Variants in YAP1 observed in about 807,000 individuals in gnomAD.
The protein encoded by YAP1 is transcriptional coactivator YAP1.
YAP1 carries 5 observed loss-of-function variants against 56.9 expected under a neutral mutation model. That is an observed-to-expected ratio of 0.09 (90% confidence interval 0.05 to 0.18). The LOEUF is 0.18. Ranked by LOEUF, YAP1 falls within the 10% of genes least tolerant of loss-of-function variation. The pLI, the probability that YAP1 is intolerant of heterozygous loss-of-function variation, is 1.00. For missense variants in YAP1, 539 were observed against 651.8 expected (o/e 0.83, Z 1.88); for synonymous variants, 265 against 248.1 (o/e 1.07, Z -0.64).
intron 4 of YAP1, among the ~76,000 whole-genome samples, chr11:102,198,149 A>G (rs1948667043): frequency 6.6e-6 from 1 of 152,168 alleles, no homozygotes. Context: ...TCTCTTACAT[A>G]ATTTTGTGCA....
intron 3 of YAP1, among the ~76,000 whole-genome samples, chr11:102,164,202 T>C (rs1175656164): frequency 6.6e-6 from 1 of 152,078 alleles, no homozygotes; most frequent in Non-Finnish European, 1.5e-5. Flanking sequence ...ACCCAGCTAA[T>C]TTTTGTATTT....
At chr11:102,213,708 TC>T (rs1949528624) in intron 6 of YAP1, among the ~76,000 whole-genome samples, 1 of 152,196 alleles carries the variant, frequency 6.6e-6, no homozygotes, top group Non-Finnish European at 1.5e-5. Context: ...ACCTTGCTTA[TC>T]CCCTTTCTTA....
chr11:102,195,800 G>A (rs540586771), intron 4 of YAP1, among the ~76,000 whole-genome samples: 10 of 152,300 alleles, frequency 6.6e-5, no homozygotes, highest in African/African-American at 2.4e-4. Context: ...CCAGTCTTGG[G>A]TATGTCTTTA....
In YAP1 at chr11:102,183,702, CTGTGTGTGTGTGTG is replaced by C. The variant is rs140546191; in HGVS notation, c.689-2292_689-2279del. Among the ~76,000 whole-genome samples the C allele has an allele frequency of 1.4e-4, 20 of 141,808 alleles. No homozygotes were observed. In the South Asian group the frequency reaches 3.7e-3, roughly 26 times the overall value. 93.0% of individuals were successfully genotyped at this position (141,808 alleles called of 152,430 possible). On this transcript the variant is annotated intron_variant, in intron 3 of 8. Transcript: ENST00000282441. ...GCTAAGGTGGGGAATAATGCTGTTT[CTGTGTGTGTGTGTG>C]TGTGTGTGTGTGTGTGTGTGTGTTT...
intron 6 of YAP1, among the ~76,000 whole-genome samples, chr11:102,211,887 T>G (rs1213547087): frequency 6.6e-6 from 1 of 152,144 alleles, no homozygotes; most frequent in Non-Finnish European, 1.5e-5. Context: ...GTGTTTTTAG[T>G]AGAGACGGGG....
intron 3 of YAP1, among the ~76,000 whole-genome samples, chr11:102,172,224 A>G (rs1292718704): frequency 6.7e-6 from 1 of 150,196 alleles, no homozygotes; most frequent in African/African-American, 2.4e-5. Context: ...GTTGTGGCAG[A>G]TGTATGCACT....
At chr11:102,142,957 C>T (rs997512148) in intron 2 of YAP1, among the ~76,000 whole-genome samples, 6 of 151,928 alleles carry the variant, frequency 3.9e-5, no homozygotes, top group Non-Finnish European at 7.4e-5. Context: ...TAGGTGTAGT[C>T]TCTTAACGTG....
At position 102,233,258 on chromosome 11, in the gene YAP1, G is replaced by A. The variant is rs1950487649; in HGVS notation, c.*3318G>A. On this transcript the variant is annotated 3_prime_UTR_variant, in exon 9 of 9. Transcript: ENST00000282441. ...TTAGAGAATTCTTTAATGCACACTT[G>A]TCAAATATATATATATAGTACCAAT... 2.0e-5 allele frequency: 3 copies of A among 152,042 alleles called. No homozygotes were observed. Among genetic ancestry groups the A allele is most frequent in the Non-Finnish European group, 4.4e-5 (3 of 68,000 alleles). The allele number at this position is 152,042 out of a possible 1,614,324, so 9.4% of individuals were successfully genotyped here.
chr11:102,207,763 G>A (rs765630755), intron 5 of YAP1, among the ~76,000 whole-genome samples: 2 of 152,078 alleles, frequency 1.3e-5, no homozygotes, highest in Non-Finnish European at 2.9e-5. Context: ...GTGCTTTGTC[G>A]GTAATCTGTC....
intron 2 of YAP1, among the ~76,000 whole-genome samples, chr11:102,134,933 C>T (rs568201460): frequency 4.6e-5 from 7 of 152,208 alleles, no homozygotes; most frequent in Middle Eastern, 3.4e-3. Flanking sequence ...GGTTGGAGTG[C>T]AGTGGCGCAG....
At chr11:102,221,515 G>C (rs1949927999) in intron 6 of YAP1, among the ~76,000 whole-genome samples, 1 of 152,048 alleles carries the variant, frequency 6.6e-6, no homozygotes, top group African/African-American at 2.4e-5. Context: ...TCTGAGCCTG[G>C]GAGATTGAGA....
At chr11:102,190,171 CTGTTT>C (rs919696839) in intron 4 of YAP1, among the ~76,000 whole-genome samples, 25 of 151,908 alleles carry the variant, frequency 1.6e-4, no homozygotes, top group Admixed American at 1.4e-3. Context: ...TTTTTTTGTT[CTGTTT>C]TGTTTTGTTT....
intron 6 of YAP1, among the ~76,000 whole-genome samples, chr11:102,215,987 G>A (rs1949641971): frequency 6.6e-6 from 1 of 152,122 alleles, no homozygotes; most frequent in East Asian, 1.9e-4. Context: ...AACAACCTCT[G>A]CCTCCCATAC....
intron 2 of YAP1, among the ~76,000 whole-genome samples, chr11:102,121,824 C>A (rs1385701269): frequency 6.6e-6 from 1 of 152,098 alleles, no homozygotes; most frequent in Non-Finnish European, 1.5e-5. Flanking sequence ...TTGAGACAGT[C>A]TTAACTCTGT....
At chr11:102,179,647 A>C (rs1947467271) in intron 3 of YAP1, among the ~76,000 whole-genome samples, 1 of 152,080 alleles carries the variant, frequency 6.6e-6, no homozygotes, top group African/African-American at 2.4e-5. Flanking sequence ...TTTTCTAAAA[A>C]ACTGTTTCCC....
At chr11:102,190,141 C>T (rs1948196099) in intron 4 of YAP1, among the ~76,000 whole-genome samples, 1 of 152,140 alleles carries the variant, frequency 6.6e-6, no homozygotes, top group Admixed American at 6.5e-5. Flanking sequence ...CTCTTGATAG[C>T]TGTATGCTAA....
intron 3 of YAP1, among the ~76,000 whole-genome samples, chr11:102,179,805 A>G (rs1007202927): frequency 3.3e-5 from 5 of 152,172 alleles, no homozygotes; most frequent in Admixed American, 2.6e-4. Flanking sequence ...TTATTGCTCC[A>G]TCTCCAGGGC....
At chr11:102,112,653 A>G in intron 1 of YAP1, 4 of 985,092 alleles carry the variant, frequency 4.1e-6, no homozygotes, top group Non-Finnish European at 4.8e-6. Context: ...CTCAGAAAAA[A>G]TCACTTAACC....
At chr11:102,137,336 T>C (rs1343191033) in intron 2 of YAP1, among the ~76,000 whole-genome samples, 1 of 152,206 alleles carries the variant, frequency 6.6e-6, no homozygotes, top group African/African-American at 2.4e-5. Context: ...TAGTGCATAA[T>C]ATCTCTTAGT....
Sources: allele counts gnomAD v4.1 joint callset (sites outside exome capture counted in the v4.1 genomes callset), GRCh38; gene constraint gnomAD v4.1.1; transcripts MANE v1.5; gene names NCBI Gene and HGNC (gene_info 2026-07-23, HGNC 2026-07-21).